Variants in DPP10 observed in about 807,000 individuals in gnomAD.
The protein encoded by DPP10 is dipeptidyl peptidase like 10, also known as inactive dipeptidyl peptidase 10.
Under a neutral mutation model 120.9 loss-of-function variants are expected in DPP10, and 33 were observed. The observed-to-expected ratio is 0.27, with a 90% CI of 0.21 to 0.37. The LOEUF is 0.37. Among genes scored for constraint, DPP10 ranks in the 10% least tolerant of loss-of-function variants. The pLI is 1.00. For synonymous variants in DPP10, 337 were observed against 326.1 expected (o/e 1.03, Z -0.36); for missense variants, 816 against 942.8 (o/e 0.87, Z 1.76).
At chr2:114,516,740 A>T (rs564923466) in intron 1 of DPP10, among the ~76,000 whole-genome samples, 2 of 152,322 alleles carry the variant, frequency 1.3e-5, no homozygotes, top group South Asian at 4.1e-4. Context: ...ACCACATTAA[A>T]CTCAAAAGAG....
intron 3 of DPP10, among the ~76,000 whole-genome samples, chr2:115,463,022 G>A (rs1056145947): frequency 4.6e-5 from 7 of 152,098 alleles, no homozygotes; most frequent in Non-Finnish European, 7.3e-5. Flanking sequence ...TAGCTGCTGC[G>A]CCCAGCCTAT....
intron 7 of DPP10, among the ~76,000 whole-genome samples, chr2:115,712,555 T>TATATATATATATATATATATATATAA (rs2092362609): frequency 2.6e-5 from 3 of 115,522 alleles, no homozygotes; most frequent in African/African-American, 9.4e-5. Flanking sequence ...TATATATATA[T>TATATATATATATATATATATATATAA]ATATATATAT....
chr2:114,940,647 T>C (rs1340422794), intron 1 of DPP10, among the ~76,000 whole-genome samples: 1 of 152,152 alleles, frequency 6.6e-6, no homozygotes, highest in African/African-American at 2.4e-5. Flanking sequence ...CAGATCAAGA[T>C]ATGAAACTTT....
chr2:115,731,646 A>C (rs1241459805), intron 8 of DPP10, among the ~76,000 whole-genome samples: 1 of 152,184 alleles, frequency 6.6e-6, no homozygotes, highest in Non-Finnish European at 1.5e-5. Flanking sequence ...TCCTAAAGCC[A>C]GGGCTTAGTC....
intron 1 of DPP10, among the ~76,000 whole-genome samples, chr2:114,919,591 A>C (rs1350366546): frequency 6.6e-6 from 1 of 152,202 alleles, no homozygotes; most frequent in South Asian, 2.1e-4. Context: ...GTTCCTGTAA[A>C]GTTAAACTCA....
At chr2:115,023,326 G>T (rs1559004713) in intron 1 of DPP10, among the ~76,000 whole-genome samples, 1 of 149,942 alleles carries the variant, frequency 6.7e-6, no homozygotes, top group Non-Finnish European at 1.5e-5. Context: ...CTAAGAGTGG[G>T]CTAAGGACAT....
intron 1 of DPP10, among the ~76,000 whole-genome samples, chr2:114,741,313 C>T (rs977695269): frequency 1.3e-5 from 2 of 152,168 alleles, no homozygotes; most frequent in African/African-American, 4.8e-5. Context: ...CACTATTATT[C>T]TTGCAGTTCA....
intron 1 of DPP10, among the ~76,000 whole-genome samples, chr2:115,088,651 G>T (rs1409227430): frequency 1.4e-5 from 2 of 145,934 alleles, no homozygotes; most frequent in Non-Finnish European, 3.0e-5. Flanking sequence ...TCACTGTGTT[G>T]CCCAGGCTGG....
At chr2:115,524,668 A>G (rs1029781474) in intron 4 of DPP10, among the ~76,000 whole-genome samples, 2 of 152,152 alleles carry the variant, frequency 1.3e-5, no homozygotes, top group Admixed American at 6.6e-5. Flanking sequence ...TTGTAATCGC[A>G]TGATTGATGT....
At chr2:115,313,059 T>G (rs1219978731) in intron 2 of DPP10, among the ~76,000 whole-genome samples, 1 of 151,918 alleles carries the variant, frequency 6.6e-6, no homozygotes, top group Non-Finnish European at 1.5e-5. Context: ...CCATATCTAC[T>G]AAAAATACAA....
intron 1 of DPP10, among the ~76,000 whole-genome samples, chr2:114,508,562 C>A (rs982346230): frequency 2.0e-5 from 3 of 152,164 alleles, no homozygotes; most frequent in African/African-American, 7.2e-5. Context: ...TGATTGCAAG[C>A]TTTCGTGTGA....
intron 1 of DPP10, among the ~76,000 whole-genome samples, chr2:114,649,749 CA>C (rs765666310): frequency 2.0e-5 from 3 of 152,124 alleles, no homozygotes; most frequent in Non-Finnish European, 4.4e-5. Flanking sequence ...TAGTAGGGAT[CA>C]AACTTTTATT....
intron 3 of DPP10, among the ~76,000 whole-genome samples, chr2:115,416,005 C>T (rs567116917): frequency 1.3e-5 from 2 of 151,500 alleles, no homozygotes; most frequent in Non-Finnish European, 2.9e-5. Flanking sequence ...CAAAAATAAT[C>T]AGTACACAAA....
intron 5 of DPP10, among the ~76,000 whole-genome samples, chr2:115,621,736 A>G (rs1012086704): frequency 6.6e-6 from 1 of 152,218 alleles, no homozygotes; most frequent in East Asian, 1.9e-4. Flanking sequence ...CTGGAGGGCA[A>G]TGTTGCGATC....
intron 1 of DPP10, among the ~76,000 whole-genome samples, chr2:114,564,285 G>T (rs2104965368): frequency 6.6e-6 from 1 of 152,082 alleles, no homozygotes; most frequent in Non-Finnish European, 1.5e-5. Flanking sequence ...CTCTACACAA[G>T]GCTAAGTTGC....
chr2:114,478,041 C>G (rs988966392), intron 1 of DPP10, among the ~76,000 whole-genome samples: 2 of 151,482 alleles, frequency 1.3e-5, no homozygotes, highest in African/African-American at 4.9e-5. Context: ...TGAGTAACAT[C>G]TAAATTTAGG....
intron 5 of DPP10, among the ~76,000 whole-genome samples, chr2:115,552,359 C>G (rs1369907366): frequency 6.6e-6 from 1 of 152,106 alleles, no homozygotes; most frequent in Non-Finnish European, 1.5e-5. Context: ...ACACAAGCGT[C>G]TATGCTCCCA....
intron 1 of DPP10, among the ~76,000 whole-genome samples, chr2:114,994,596 G>T (rs1700959209): frequency 6.6e-6 from 1 of 152,100 alleles, no homozygotes; most frequent in Admixed American, 6.6e-5. Flanking sequence ...GTCCCTCAGA[G>T]TCTCAACTGC....
At chr2:115,301,213 C>A (rs2061114901) in intron 1 of DPP10, among the ~76,000 whole-genome samples, 1 of 152,130 alleles carries the variant, frequency 6.6e-6, no homozygotes, top group East Asian at 1.9e-4. Flanking sequence ...ACTACTCTTG[C>A]CTTAACAAAC....
Sources: allele counts gnomAD v4.1 joint callset (sites outside exome capture counted in the v4.1 genomes callset), GRCh38; gene constraint gnomAD v4.1.1; transcripts MANE v1.5; gene names NCBI Gene and HGNC (gene_info 2026-07-23, HGNC 2026-07-21).